The following ADAMTS2 variants were observed in gnomAD, a reference collection of about 807,000 sequenced individuals.
The protein encoded by ADAMTS2 is A disintegrin and metalloproteinase with thrombospondin motifs 2.
In ADAMTS2, 50 loss-of-function variants were observed where a neutral mutation model predicts 123.0. The ratio of observed to expected loss-of-function variants is 0.41; its 90% CI spans 0.32 to 0.51. The LOEUF (loss-of-function observed/expected upper bound fraction) is 0.51. Ranked by LOEUF, ADAMTS2 falls within the 20% of genes least tolerant of loss-of-function variation. The pLI is 0.35. For missense variants in ADAMTS2, 1,494 were observed against 1,705.2 expected (o/e 0.88, Z 2.18); for synonymous variants, 678 against 695.4 (o/e 0.98, Z 0.39).
chr5:179,207,158 T>C (rs1380815686), intron 4 of ADAMTS2, among the ~76,000 whole-genome samples: 2 of 152,228 alleles, frequency 1.3e-5, no homozygotes, highest in Non-Finnish European at 2.9e-5. Context: ...CCTTTTTAAA[T>C]GATTTTAGTT....
intron 2 of ADAMTS2, among the ~76,000 whole-genome samples, chr5:179,324,396 T>TTTC (rs1757259778): frequency 6.7e-6 from 1 of 150,258 alleles, no homozygotes; most frequent in Admixed American, 6.6e-5. Context: ...TTTTTCTCTT[T>TTTC]TTTTTTTTTT....
chr5:179,228,921 T>C lies in ADAMTS2; in HGVS notation c.689-21206A>G, dbSNP rs1312200731. Among the ~76,000 whole-genome samples, 2 of 152,190 alleles carry C rather than the reference T, an allele frequency of 1.3e-5. No individual in the cohort carries two copies. The highest frequency in any genetic ancestry group is 2.9e-5 in the Non-Finnish European group (2 of 68,026). ...TCACCTGAGAACAGCTCAGTCAGTC[T>C]GGCTGGATCCTGAGCTCCTCCCCCG... On this transcript the variant is annotated intron_variant, in intron 3 of 21. Coordinates refer to ENST00000251582, the MANE Select transcript of ADAMTS2 (RefSeq NM_014244.5). This position sits in a 1 kb window ranked among gnomAD's most constrained non-coding sequence, Gnocchi z 5.2.
rs538542205 is a variant in ADAMTS2, at chr5:179,301,330, C to T, written c.535-28266G>A. Among the ~76,000 whole-genome samples, 11 of 152,274 alleles carry T rather than the reference C, an allele frequency of 7.2e-5. No homozygotes were observed. In the South Asian group the frequency reaches 1.0e-3, roughly 14 times the overall value. On this transcript the variant is annotated intron_variant, in intron 2 of 21. Transcript: ENST00000251582. ...TGGCCTCTTTCGACCTCTGCTTTTC[C>T]GTGTCTAAAATGGCACAATATTACC...
At chr5:179,209,779 G>A (rs1561807136) in intron 3 of ADAMTS2, among the ~76,000 whole-genome samples, 1 of 152,202 alleles carries the variant, frequency 6.6e-6, no homozygotes, top group Non-Finnish European at 1.5e-5. Flanking sequence ...CAGGGGGGTT[G>A]AGGAATCGCC....
chr5:179,142,661 G>A (rs1393489631), intron 10 of ADAMTS2, among the ~76,000 whole-genome samples: 1 of 152,190 alleles, frequency 6.6e-6, no homozygotes, highest in African/African-American at 2.4e-5. Flanking sequence ...CAAAGAGCCT[G>A]GCTAATGCCA....
At chr5:179,245,778 A>AAAAC (rs1554091700) in intron 3 of ADAMTS2, among the ~76,000 whole-genome samples, 3 of 119,546 alleles carry the variant, frequency 2.5e-5, no homozygotes, top group African/African-American at 1.2e-4. Flanking sequence ...AAAAAAAAAA[A>AAAAC]AAAAAAAAAA....
At position 179,274,771 on chromosome 5, in the gene ADAMTS2, C is replaced by T. The variant is rs1482984224; in HGVS notation, c.535-1707G>A. Among the ~76,000 whole-genome samples, 4 of 152,240 alleles carry T rather than the reference C, an allele frequency of 2.6e-5. No individual in the cohort carries two copies. The South Asian group carries it at 6.2e-4, about 24-fold the overall frequency. On this transcript the variant is annotated intron_variant, in intron 2 of 21. Transcript: ENST00000251582. ...AGCGAGGGAGGCTGGAGATGCCTCC[C>T]GGCGCACTCAGCCTGGGCCCTCGGG...
In ADAMTS2 at chr5:179,307,141, G is replaced by A. The variant is rs1403633823; in HGVS notation, c.535-34077C>T. Among the ~76,000 whole-genome samples the A allele has an allele frequency of 2.6e-5, 4 of 152,256 alleles. No homozygotes were observed. Among genetic ancestry groups the A allele is most frequent in the South Asian group, 4.1e-4 (2 of 4,824 alleles). On this transcript the variant is annotated intron_variant, in intron 2 of 21. Coordinates refer to ENST00000251582, the MANE Select transcript of ADAMTS2 (RefSeq NM_014244.5). The surrounding 1 kb of genome is among the most constrained non-coding windows in gnomAD (Gnocchi z 5.6). ...CAGCCTAAGCCCGGCCCAGACCCTCGCCCTGCTAGCATGAGACAGACACAG... is the reference window on the plus strand; with the variant it reads ...CAGCCTAAGCCCGGCCCAGACCCTCACCCTGCTAGCATGAGACAGACACAG...
chr5:179,304,321 A>G (rs1206197550), intron 2 of ADAMTS2, among the ~76,000 whole-genome samples: 1 of 152,242 alleles, frequency 6.6e-6, no homozygotes, highest in African/African-American at 2.4e-5. Context: ...GCATACCAAG[A>G]ACCAGGAAAA....
In ADAMTS2 at chr5:179,345,427, A is replaced by G. The variant is rs1757925811; in HGVS notation, c.-99T>C. On this transcript the variant is annotated 5_prime_UTR_variant, in exon 1 of 22. Coordinates refer to ENST00000251582, the MANE Select transcript of ADAMTS2 (RefSeq NM_014244.5). This position sits in a 1 kb window ranked among gnomAD's most constrained non-coding sequence, Gnocchi z 7.5. ...TCTGGGGGCAGCTGGAGCCGCCCGC[A>G]GCTGCAGCACCGCAGGGCGCGGGGC... 2 of 970,726 alleles carry G rather than the reference A, an allele frequency of 2.1e-6. No homozygotes were observed. Among genetic ancestry groups the G allele is most frequent in the Non-Finnish European group, 2.5e-6 (2 of 812,376 alleles). The allele number at this position is 970,726 out of a possible 1,614,324, so 60.1% of individuals were successfully genotyped here. A position where few individuals can be genotyped will look rare whatever the true frequency, so the allele number is the denominator to read the frequency against.
Position 179,242,441 on chromosome 5 carries a change from T to C in ADAMTS2, c.688+30470A>G, listed in dbSNP as rs964409499. 4.6e-5 allele frequency among the ~76,000 whole-genome samples: 7 copies of C among 152,216 alleles called. No homozygotes were observed. Among genetic ancestry groups the C allele is most frequent in the African/African-American group, 1.7e-4 (7 of 41,456 alleles). ...TGCCATGAGAATTCCACTTCTGGAA[T>C]GGTGGTGAGAGGAGCCCCATGGACA... On this transcript the variant is annotated intron_variant, in intron 3 of 21. Coordinates refer to ENST00000251582, the MANE Select transcript of ADAMTS2 (RefSeq NM_014244.5). This position sits in a 1 kb window ranked among gnomAD's most constrained non-coding sequence, Gnocchi z 4.2.
chr5:179,223,660 GCA>G (rs202005389), intron 3 of ADAMTS2, among the ~76,000 whole-genome samples: 1,609 of 148,372 alleles, frequency 0.011, 15 homozygotes, highest in South Asian at 0.019. Flanking sequence ...ACTCACAGAC[GCA>G]CACTCACACA....
rs752679558 is a variant in ADAMTS2, at chr5:179,113,942, A to G, written c.3561T>C (p.Tyr1187=). The G allele has an allele frequency of 5.0e-6, 8 of 1,614,012 alleles. No individual in the cohort carries two copies. The highest frequency in any genetic ancestry group is 1.3e-5 in the African/African-American group (1 of 74,988). ...GGATTCTTTGGTTTCTGGTCTTTTC[A>G]TAGGGGCTCGGTCGTCGAGGGATTA... ...PNLIPRRPSP[Y]EKTRNQRIQE... The change falls in exon 22 of 22, where the codon TAT becomes TAC. Residue 1187 remains tyrosine (Y), a synonymous_variant. Coordinates refer to ENST00000251582, the MANE Select transcript of ADAMTS2 (RefSeq NM_014244.5).
intron 2 of ADAMTS2, among the ~76,000 whole-genome samples, chr5:179,273,769 CCT>C (rs1175180772): frequency 6.6e-6 from 1 of 152,060 alleles, no homozygotes; most frequent in Non-Finnish European, 1.5e-5. Flanking sequence ...AACTGCTGCC[CCT>C]GACCCCCTAG....
intron 3 of ADAMTS2, among the ~76,000 whole-genome samples, chr5:179,227,344 C>G (rs972593605): frequency 1.2e-4 from 19 of 152,202 alleles, no homozygotes; most frequent in African/African-American, 4.6e-4. Flanking sequence ...GCAGCTCCCC[C>G]AGGGGTCAGG....
chr5:179,202,864 G>C lies in ADAMTS2; in HGVS notation c.891+4649C>G, dbSNP rs1764601120. ...GGGACTCCAAGCTCTTACCAGCCTTGGTCCACAGGTGACCCAGGTCACTTC... is the reference window on the plus strand; with the variant it reads ...GGGACTCCAAGCTCTTACCAGCCTTCGTCCACAGGTGACCCAGGTCACTTC... On this transcript the variant is annotated intron_variant, in intron 4 of 21. Coordinates refer to ENST00000251582, the MANE Select transcript of ADAMTS2 (RefSeq NM_014244.5). This position sits in a 1 kb window ranked among gnomAD's most constrained non-coding sequence, Gnocchi z 4.0. Among the ~76,000 whole-genome samples the C allele has an allele frequency of 6.6e-6, 1 of 152,182 alleles. No homozygotes were observed. Among genetic ancestry groups the C allele is most frequent in the South Asian group, 2.1e-4 (1 of 4,836 alleles).
intron 11 of ADAMTS2, 64 bp from the exon 12 acceptor site, chr5:179,138,008 C>T: frequency 6.6e-7 from 1 of 1,515,638 alleles, no homozygotes; most frequent in Non-Finnish European, 8.9e-7. Context: ...CCCGGGTGCC[C>T]TTGTGAGATC....
chr5:179,220,422 T>C (rs1238874028), intron 3 of ADAMTS2, among the ~76,000 whole-genome samples: 1 of 152,108 alleles, frequency 6.6e-6, no homozygotes, highest in Admixed American at 6.5e-5. Context: ...TTGGACATCA[T>C]CTGGAAGCCT....
intron 3 of ADAMTS2, among the ~76,000 whole-genome samples, chr5:179,237,647 C>T (rs1765562163): frequency 6.6e-6 from 1 of 152,110 alleles, no homozygotes; most frequent in Admixed American, 6.5e-5. Flanking sequence ...TCAAGGTCAG[C>T]ATGTTGGAAA....
Sources: gnomAD v4.1 joint callset for allele counts (sites outside exome capture counted in the v4.1 genomes callset) on GRCh38, gnomAD v4.1.1 for gene constraint, Gnocchi (gnomAD v3.1) non-coding constraint, MANE v1.5 for transcripts, NCBI Gene and HGNC (gene_info 2026-07-23, HGNC 2026-07-21) for gene names.